The following ACTL8 variants were observed in gnomAD, a reference collection of about 807,000 sequenced individuals.
ACTL8 encodes actin-like protein 8.
ACTL8 carries 3 observed loss-of-function variants against 9.3 expected under a neutral mutation model. The observed-to-expected ratio is 0.32, with a 90% CI of 0.15 to 0.83. The LOEUF is 0.83. ACTL8 is among the 40% of genes least tolerant of loss of function. The probability of loss-of-function intolerance (pLI) is 0.57; values close to 1 mark genes in which losing one functional copy is unlikely to be tolerated. For missense variants in ACTL8, 381 were observed against 492.2 expected, an observed-to-expected ratio of 0.77 and a Z score of 2.14; for synonymous variants, 224 against 205.9, an observed-to-expected ratio of 1.09 and a Z score of -0.75.
Position 17,825,775 on chromosome 1 carries a change from T to G in ACTL8, c.357T>G (p.Phe119Leu), listed in dbSNP as rs776113432. The G allele has an allele frequency of 6.2e-7, 1 of 1,611,610 alleles. No individual in the cohort carries two copies. ...ADRKKMLEIL[F>L]ELLHVPSVLL... Reference sequence around the variant, plus strand: ...ATTCTCCCTCGTTGCAGATCCTGTTTGAGTTGCTGCATGTCCCATCGGTCC... The same window carrying G: ...ATTCTCCCTCGTTGCAGATCCTGTTGGAGTTGCTGCATGTCCCATCGGTCC... The change falls in exon 3 of 3, where the codon TTT becomes TTG. Residue 119 changes from phenylalanine (F) to leucine (L), a missense_variant. By Grantham distance (22) the Phe-to-Leu change is conservative. Around this residue, in one of 3 missense-constraint regions of ACTL8, gnomAD observed 125 missense variants for 180.7 expected, o/e 0.69. Transcript: ENST00000375406.
chr1:17,786,293 A>C (rs1350668969), intron 1 of ACTL8, among the ~76,000 whole-genome samples: 1 of 152,208 alleles, frequency 6.6e-6, no homozygotes, highest in South Asian at 2.1e-4. Flanking sequence ...TGCAGCTCTC[A>C]CCCACCCTCA....
At chr1:17,824,383 T>C (rs1178432138) in intron 2 of ACTL8, among the ~76,000 whole-genome samples, 1 of 152,230 alleles carries the variant, frequency 6.6e-6, no homozygotes, top group Non-Finnish European at 1.5e-5. Context: ...CTATTATTAT[T>C]TTTTAAATAA....
At chr1:17,790,116 G>A (rs923085172) in intron 1 of ACTL8, among the ~76,000 whole-genome samples, 1 of 152,244 alleles carries the variant, frequency 6.6e-6, no homozygotes. Flanking sequence ...CTCTCTGTGG[G>A]TCTGTGGCTG....
At chr1:17,792,999 C>T (rs1024282833) in intron 1 of ACTL8, among the ~76,000 whole-genome samples, 15 of 152,208 alleles carry the variant, frequency 9.9e-5, no homozygotes, top group African/African-American at 3.4e-4. Flanking sequence ...AGGCTTCTTG[C>T]CCTGGGAGAG....
At chr1:17,820,904 C>T (rs983093885) in intron 1 of ACTL8, among the ~76,000 whole-genome samples, 1 of 152,148 alleles carries the variant, frequency 6.6e-6, no homozygotes, top group Non-Finnish European at 1.5e-5. Context: ...TTTGCCATTC[C>T]CACCAGCTGT....
chr1:17,756,735 C>T (rs2065971333), intron 1 of ACTL8, among the ~76,000 whole-genome samples: 2 of 152,056 alleles, frequency 1.3e-5, no homozygotes, highest in African/African-American at 4.8e-5. Flanking sequence ...GTGTCAAGTT[C>T]CTTGCCAATG....
At chr1:17,824,152 G>A (rs910528821) in intron 2 of ACTL8, among the ~76,000 whole-genome samples, 2 of 152,184 alleles carry the variant, frequency 1.3e-5, no homozygotes, top group Non-Finnish European at 2.9e-5. Context: ...GGTGAGGTTG[G>A]AGGAGGCTGG....
In ACTL8 at chr1:17,826,330, T is replaced by TC; in HGVS notation, c.915dup (p.Gly306ArgfsTer28). On this transcript the variant is annotated frameshift_variant, in exon 3 of 3. Transcript: ENST00000375406. LOFTEE classifies it low-confidence loss of function (END_TRUNC). The surrounding 1 kb of genome is among the most constrained non-coding windows in gnomAD (Gnocchi z 4.5). ...TGGCCTGCGGGGGCAACACCCTCTA[T>TC]CCCGGGTTCACAAAGCGCCTGTTCA... 1 of 1,613,750 alleles carries TC rather than the reference T, an allele frequency of 6.2e-7. No individual in the cohort carries two copies. The highest frequency in any genetic ancestry group is 1.1e-5 in the South Asian group (1 of 90,994).
chr1:17,805,371 C>CTTTTT (rs67716211), intron 1 of ACTL8, among the ~76,000 whole-genome samples: 1 of 120,878 alleles, frequency 8.3e-6, no homozygotes. Flanking sequence ...TTTTCTTTTT[C>CTTTTT]TTTTTCTTTT....
At position 17,826,055 on chromosome 1, in the gene ACTL8, T is replaced by C. The variant is rs560722176; in HGVS notation, c.637T>C (p.Tyr213His). The change falls in exon 3 of 3, where the codon TAC (tyrosine) becomes CAC (histidine). Residue 213 changes from tyrosine (Y) to histidine (H), a missense_variant. Transcript: ENST00000375406. The surrounding 1 kb of genome is among the most constrained non-coding windows in gnomAD (Gnocchi z 4.5). ...CGCCGTGACTCAGATGAACAAGTGC[T>C]ACGTGCCGCAGAATCTGGGGGAGGC... The part of the protein sequence containing the change: ...TVAVTQMNKC[Y>H]VPQNLGEALD... 6.2e-5 allele frequency: 99 copies of C among 1,606,904 alleles called. 2 individuals are homozygous for C. In the South Asian group the frequency reaches 1.0e-3, roughly 16 times the overall value.
In ACTL8 at chr1:17,826,728, CTTGGAAA is replaced by C; in HGVS notation, c.*210_*216del. 2.2e-6 allele frequency: 1 copy of C among 448,426 alleles called. No individual in the cohort carries two copies. Among genetic ancestry groups the C allele is most frequent in the Non-Finnish European group, 3.8e-6 (1 of 265,764 alleles). The allele number at this position is 448,426 out of a possible 1,614,324, so 27.8% of individuals were successfully genotyped here. On this transcript the variant is annotated 3_prime_UTR_variant, in exon 3 of 3. Transcript: ENST00000375406. The surrounding 1 kb of genome is among the most constrained non-coding windows in gnomAD (Gnocchi z 4.5). ...CCAAGGGGGAAGACAAGATGTCATCCTTGGAAACCCTGCAGGGGACAGTTTTTCCAGG... is the reference window on the plus strand; with the variant it reads ...CCAAGGGGGAAGACAAGATGTCATCCCCCTGCAGGGGACAGTTTTTCCAGG...
chr1:17,807,180 A>G (rs2066364928), intron 1 of ACTL8, among the ~76,000 whole-genome samples: 1 of 152,268 alleles, frequency 6.6e-6, no homozygotes, highest in Non-Finnish European at 1.5e-5. Context: ...TCTCAAAGTC[A>G]GATGACCAGT....
intron 1 of ACTL8, among the ~76,000 whole-genome samples, chr1:17,775,451 A>G (rs1262565094): frequency 6.6e-6 from 1 of 152,098 alleles, no homozygotes; most frequent in Non-Finnish European, 1.5e-5. Flanking sequence ...AAGATTCCGG[A>G]GGGAAGTGAA....
At chr1:17,797,088 C>G (rs10489771) in intron 1 of ACTL8, among the ~76,000 whole-genome samples, 31,659 of 151,638 alleles carry the variant, frequency 0.21, 4,046 homozygotes, top group Admixed American at 0.38. Flanking sequence ...GCACCTGCTA[C>G]TAAGAAGCTC....
intron 1 of ACTL8, among the ~76,000 whole-genome samples, chr1:17,776,209 C>A (rs183163765): frequency 8.7e-4 from 132 of 152,316 alleles, no homozygotes; most frequent in Admixed American, 2.3e-3. Flanking sequence ...AGGTCCTAGG[C>A]AGGATGGGAC....
At chr1:17,776,989 T>TC (rs2066123009) in intron 1 of ACTL8, among the ~76,000 whole-genome samples, 1 of 133,744 alleles carries the variant, frequency 7.5e-6, no homozygotes, top group Non-Finnish European at 1.6e-5. Flanking sequence ...TTTTTTTTTT[T>TC]TTTTTTTTTT....
chr1:17,811,597 A>G (rs1361525593), intron 1 of ACTL8, among the ~76,000 whole-genome samples: 5 of 152,192 alleles, frequency 3.3e-5, no homozygotes, highest in Non-Finnish European at 4.4e-5. Flanking sequence ...TTTTATATCT[A>G]TATTTTACAT....
At chr1:17,779,454 G>T (rs372550602) in intron 1 of ACTL8, among the ~76,000 whole-genome samples, 5 of 152,126 alleles carry the variant, frequency 3.3e-5, no homozygotes, top group African/African-American at 9.7e-5. Context: ...TTTCTGCCTA[G>T]ATCCCTCATC....
At chr1:17,815,940 A>G (rs1456299950) in intron 1 of ACTL8, among the ~76,000 whole-genome samples, 2 of 152,176 alleles carry the variant, frequency 1.3e-5, no homozygotes, top group Non-Finnish European at 2.9e-5. Flanking sequence ...TCTATGGAGC[A>G]GAACTTTTCT....
Sources: allele counts gnomAD v4.1 joint callset (sites outside exome capture counted in the v4.1 genomes callset), GRCh38; gene constraint gnomAD v4.1.1; regional missense constraint gnomAD v4.1.1; non-coding constraint Gnocchi (gnomAD v3.1); transcripts MANE v1.5; gene names NCBI Gene and HGNC (gene_info 2026-07-23, HGNC 2026-07-21).